Variants in ZNF681 observed in about 807,000 individuals in gnomAD.
ZNF681 encodes the protein zinc finger protein 681.
Under a neutral mutation model 56.0 loss-of-function variants are expected in ZNF681, and 37 were observed. The ratio of observed to expected loss-of-function variants is 0.66; its 90% CI spans 0.51 to 0.87. The LOEUF is 0.87. Ranked by LOEUF, ZNF681 falls within the 40% of genes least tolerant of loss-of-function variation. The probability of loss-of-function intolerance (pLI) is 0.00; values close to 1 mark genes in which losing one functional copy is unlikely to be tolerated. For synonymous variants in ZNF681, 225 were observed against 248.6 expected, an observed-to-expected ratio of 0.91 and a Z score of 0.89; for missense variants, 741 against 744.9, an observed-to-expected ratio of 0.99 and a Z score of 0.06.
intron 3 of ZNF681, among the ~76,000 whole-genome samples, chr19:23,746,828 A>T (rs1297800537): frequency 6.6e-6 from 1 of 152,200 alleles, no homozygotes; most frequent in African/African-American, 2.4e-5. Flanking sequence ...AGTCTTATTA[A>T]ATTTAGGAAT....
In ZNF681 at chr19:23,745,088, A is replaced by G. The variant is rs930304801; in HGVS notation, c.462T>C (p.Phe154=). The G allele has an allele frequency of 6.2e-7, 1 of 1,601,948 alleles. No individual in the cohort carries two copies. The highest frequency in any genetic ancestry group is 1.3e-5 in the African/African-American group (1 of 74,190). Reference sequence around the variant, plus strand: ...TTACCTTATGTCCATTTAAATTTGAAAATTTATGAAAGATTTTCATATATT... The same window carrying G: ...TTACCTTATGTCCATTTAAATTTGAGAATTTATGAAAGATTTTCATATATT... ...CDKYMKIFHK[F]SNLNGHKVRH... Residue 154 remains phenylalanine (F), a synonymous_variant, in exon 4 of 4, where the codon TTT becomes TTC. Transcript: ENST00000402377.
intron 3 of ZNF681, among the ~76,000 whole-genome samples, chr19:23,747,000 T>G (rs1183847868): frequency 6.6e-6 from 1 of 152,152 alleles, no homozygotes; most frequent in Non-Finnish European, 1.5e-5. Context: ...AGTGCATCTC[T>G]GTAGTTCCAG....
rs892553471 is a variant in ZNF681, at chr19:23,758,661, G to T, written c.3+86C>A. 6 of 1,605,772 alleles carry T rather than the reference G, an allele frequency of 3.7e-6. No individual in the cohort carries two copies. The African/African-American group carries it at 6.7e-5, about 18-fold the overall frequency. On this transcript the variant is annotated intron_variant, in intron 1 of 3. Transcript: ENST00000402377. ...CGCCTGGGCGAGGAGAACTCAGGGCGCAAATTGTGGAGCTGACTGCGGCGA... is the reference window on the plus strand; with the variant it reads ...CGCCTGGGCGAGGAGAACTCAGGGCTCAAATTGTGGAGCTGACTGCGGCGA...
In ZNF681 at chr19:23,740,087, T is replaced by C. The variant is rs1219588185; in HGVS notation, c.*3525A>G. On this transcript the variant is annotated 3_prime_UTR_variant, in exon 4 of 4. Coordinates refer to ENST00000402377, the MANE Select transcript of ZNF681 (RefSeq NM_138286.3). ...CACTTTGTGTAAGAATTTAATAAGA[T>C]TATTCTTTAACAAACAGAGAAAAAC... is the stretch of plus-strand genomic sequence containing the variant. The C allele has an allele frequency of 6.6e-6, 1 of 152,166 alleles. No homozygotes were observed. Among genetic ancestry groups the C allele is most frequent in the East Asian group, 1.9e-4 (1 of 5,200 alleles). 9.4% of individuals were successfully genotyped at this position (152,166 alleles called of 1,614,324 possible).
At chr19:23,752,875 T>C (rs555993065) in intron 3 of ZNF681, among the ~76,000 whole-genome samples, 53 of 152,240 alleles carry the variant, frequency 3.5e-4, no homozygotes, top group African/African-American at 1.3e-3. Flanking sequence ...AAAGAACTGT[T>C]AGTACGTGGC....
chr19:23,744,495 T>C lies in ZNF681; in HGVS notation c.1055A>G (p.His352Arg), dbSNP rs1362880444. ...ECGKAFNQSSHLTRHKIIHTG... is the reference protein window; with the variant it reads ...ECGKAFNQSSRLTRHKIIHTG... ...ATGAATTATCTTATGTCTGGTAAGGTGTGAGGACTGGTTAAAGGCTTTGCC... is the reference window on the plus strand; with the variant it reads ...ATGAATTATCTTATGTCTGGTAAGGCGTGAGGACTGGTTAAAGGCTTTGCC... The change falls in exon 4 of 4, where the codon CAC (histidine) becomes CGC (arginine). Residue 352 changes from histidine to arginine, a missense_variant. Physicochemically the swap from His to Arg is conservative, Grantham distance 29. Transcript: ENST00000402377. The C allele has an allele frequency of 6.2e-6, 10 of 1,604,824 alleles. No individual in the cohort carries two copies. Among genetic ancestry groups the C allele is most frequent in the Non-Finnish European group, 8.5e-6 (10 of 1,175,888 alleles).
In ZNF681 at chr19:23,742,951, AATCTGATTTAGTGTAAT is replaced by A. The variant is rs1417103199; in HGVS notation, c.*644_*660del. On this transcript the variant is annotated 3_prime_UTR_variant, in exon 4 of 4. Coordinates refer to ENST00000402377, the MANE Select transcript of ZNF681 (RefSeq NM_138286.3). ...TTTTAGATTCTTTTCTATACTCAGCAATCTGATTTAGTGTAATGCCTGAAGTGTCAGTGCCTTAACTA... is the reference window on the plus strand; with the variant it reads ...TTTTAGATTCTTTTCTATACTCAGCAGCCTGAAGTGTCAGTGCCTTAACTA... 5.9e-5 allele frequency: 9 copies of A among 152,170 alleles called. No individual in the cohort carries two copies. The highest frequency in any genetic ancestry group is 2.2e-4 in the African/African-American group (9 of 41,444). The allele number at this position is 152,170 out of a possible 1,614,324, so 9.4% of individuals were successfully genotyped here. A position where few individuals can be genotyped will look rare whatever the true frequency, so the allele number is the denominator to read the frequency against.
Position 23,740,510 on chromosome 19 carries a change from T to TGG in ZNF681, c.*3101_*3102insCC, listed in dbSNP as rs1968863302. 1 of 152,172 alleles carries TGG rather than the reference T, an allele frequency of 6.6e-6. No individual in the cohort carries two copies. The allele number at this position is 152,172 out of a possible 1,614,324, so 9.4% of individuals were successfully genotyped here. ...TATTTCTCACAATTGATATGTTCCA[T>TGG]CTCTGTCTTGAAGTTACAAACTAAC... On this transcript the variant is annotated 3_prime_UTR_variant, in exon 4 of 4. Coordinates refer to ENST00000402377, the MANE Select transcript of ZNF681 (RefSeq NM_138286.3).
At chr19:23,748,797 A>AATGCAT (rs1968983033) in intron 3 of ZNF681, among the ~76,000 whole-genome samples, 1 of 152,210 alleles carries the variant, frequency 6.6e-6, no homozygotes, top group Admixed American at 6.5e-5. Flanking sequence ...TTTGTAGAGA[A>AATGCAT]ATGCATAAAA....
chr19:23,743,869 G>A lies in ZNF681; in HGVS notation c.1681C>T (p.Pro561Ser), dbSNP rs761377681. The stretch of plus-strand genomic sequence containing the variant: ...TTACCACATTCTTCACATTGGTAGG[G>A]TTTCTCTCCAGTATGAATTACCTTA... ...THKVIHTGEK[P>S]YQCEECGKAF... The change falls in exon 4 of 4, where the codon CCC becomes TCC. Residue 561 changes from proline (P) to serine (S), a missense_variant. Physicochemically the swap from Pro to Ser is moderately conservative, Grantham distance 74. Transcript: ENST00000402377. The A allele has an allele frequency of 2.5e-6, 4 of 1,600,676 alleles. No homozygotes were observed. Among genetic ancestry groups the A allele is most frequent in the Non-Finnish European group, 1.7e-6 (2 of 1,170,584 alleles).
rs972284695 is a variant in ZNF681 at position 23,740,150 on chromosome 19, G to T, written c.*3462C>A. Reference sequence around the variant, plus strand: ...TTTAATCCTTTCATCTGTGGACACTGTATGCTTTTTGTTTTAATTTAACTG... The same window carrying T: ...TTTAATCCTTTCATCTGTGGACACTTTATGCTTTTTGTTTTAATTTAACTG... On this transcript the variant is annotated 3_prime_UTR_variant, in exon 4 of 4. Coordinates refer to ENST00000402377, the MANE Select transcript of ZNF681 (RefSeq NM_138286.3). The T allele has an allele frequency of 1.3e-5, 2 of 152,122 alleles. No individual in the cohort carries two copies. The highest frequency in any genetic ancestry group is 1.3e-4 in the Admixed American group (2 of 15,276). 9.4% of individuals were successfully genotyped at this position (152,122 alleles called of 1,614,324 possible).
intron 3 of ZNF681, among the ~76,000 whole-genome samples, chr19:23,750,825 TAA>T (rs56245204): frequency 1.6e-5 from 2 of 128,796 alleles, no homozygotes; most frequent in Non-Finnish European, 3.2e-5. Context: ...ACCGCATCTC[TAA>T]AAAAAAAAAA....
chr19:23,755,796 C>G (rs1052391181), intron 1 of ZNF681, among the ~76,000 whole-genome samples: 2 of 152,024 alleles, frequency 1.3e-5, no homozygotes, highest in African/African-American at 2.4e-5. Context: ...TAACACCAGA[C>G]CTAAATAAAT....
intron 1 of ZNF681, 81 bp downstream of exon 1, chr19:23,758,666 T>C (rs377344700): frequency 3.2e-5 from 52 of 1,610,334 alleles, no homozygotes; most frequent in Non-Finnish European, 4.3e-5. Flanking sequence ...AGGGCGCAAA[T>C]TGTGGAGCTG....
chr19:23,749,246 T>C (rs1469264061), intron 3 of ZNF681, among the ~76,000 whole-genome samples: 1 of 152,204 alleles, frequency 6.6e-6, no homozygotes, highest in Non-Finnish European at 1.5e-5. Flanking sequence ...TGATGGCTAC[T>C]ATATGATCCC....
Position 23,744,324 on chromosome 19 carries a change from A to T in ZNF681, c.1226T>A (p.Leu409His). The T allele has an allele frequency of 6.2e-7, 1 of 1,613,776 alleles. No homozygotes were observed. Among genetic ancestry groups the T allele is most frequent in the Non-Finnish European group, 8.5e-7 (1 of 1,179,918 alleles). The change falls in exon 4 of 4, where the codon CTT becomes CAT. Residue 409 changes from leucine to histidine, a missense_variant. Leu to His is a moderately conservative substitution (Grantham distance 99). Transcript: ENST00000402377. The stretch of plus-strand genomic sequence containing the variant: ...AGTATGAATGCTCTTATGTCTAGTA[A>T]GGTGTGAGGACTTGTTAAAAGCTTT... ...CGKAFNKSSH[L>H]TRHKSIHTGE...
rs758051965 is a variant in ZNF681 at position 23,744,455 on chromosome 19, G to A, written c.1095C>T (p.Pro365=). Residue 365 remains proline, a synonymous_variant, in exon 4 of 4, where the codon CCC becomes CCT. Coordinates refer to ENST00000402377, the MANE Select transcript of ZNF681 (RefSeq NM_138286.3). ...CTTTGCCACATTCTTCACATCTGTAGGGCTTCTCTCCAGTATGAATTATCT... is the reference window on the plus strand; with the variant it reads ...CTTTGCCACATTCTTCACATCTGTAAGGCTTCTCTCCAGTATGAATTATCT... ...RHKIIHTGEK[P]YRCEECGKAF... 5 of 1,577,906 alleles carry A rather than the reference G, an allele frequency of 3.2e-6. No individual in the cohort carries two copies. The highest frequency in any genetic ancestry group is 4.3e-6 in the Non-Finnish European group (5 of 1,159,022).
At chr19:23,756,656 A>G (rs10402407) in intron 1 of ZNF681, among the ~76,000 whole-genome samples, 148,762 of 152,042 alleles carry the variant, frequency 0.98, 72,871 homozygotes, top group Middle Eastern at 1. Context: ...GTGGAGGGAC[A>G]AGGAGAGAAA....
At chr19:23,756,940 G>A (rs1474350412) in intron 1 of ZNF681, among the ~76,000 whole-genome samples, 2 of 151,616 alleles carry the variant, frequency 1.3e-5, no homozygotes, top group Admixed American at 6.6e-5. Context: ...GCGTGATCTC[G>A]GGTCACTGCA....
Sources: allele counts gnomAD v4.1 joint callset (sites outside exome capture counted in the v4.1 genomes callset), GRCh38; gene constraint gnomAD v4.1.1; transcripts MANE v1.5; gene names NCBI Gene and HGNC (gene_info 2026-07-23, HGNC 2026-07-21).